The following IFFO2 variants were observed in gnomAD, a reference collection of about 807,000 sequenced individuals.
IFFO2 encodes intermediate filament family orphan 2.
In IFFO2, 19 loss-of-function variants were observed where a neutral mutation model predicts 53.5. The ratio of observed to expected loss-of-function variants is 0.36; its 90% CI spans 0.25 to 0.52. The LOEUF (loss-of-function observed/expected upper bound fraction) is 0.52, where lower values mean the gene tolerates loss of function less well. Among genes scored for constraint, IFFO2 ranks in the 20% least tolerant of loss-of-function variants. IFFO2 has a pLI of 0.94. For missense variants in IFFO2, 570 were observed against 727.4 expected, an observed-to-expected ratio of 0.78 and a Z score of 2.49; for synonymous variants, 303 against 313.6, an observed-to-expected ratio of 0.97 and a Z score of 0.36.
At position 18,936,726 on chromosome 1, in the gene IFFO2, C is replaced by G. The variant is rs61613576; in HGVS notation, c.666-15605G>C. On this transcript the variant is annotated intron_variant, in intron 1 of 8. Transcript: ENST00000455833. The surrounding 1 kb of genome is among the most constrained non-coding windows in gnomAD (Gnocchi z 4.5). ...CCCGCAGCCGCCCTGGAGCCAGCTG[C>G]CTGGGAGCCCAGATTTTCCTTATCA... Among the ~76,000 whole-genome samples the G allele has an allele frequency of 2.1e-3, 325 of 152,352 alleles. 1 individual carries two copies. Among genetic ancestry groups the G allele is most frequent in the African/African-American group, 7.5e-3 (313 of 41,584 alleles).
chr1:18,916,760 G>A lies in IFFO2; in HGVS notation c.1103+143C>T, dbSNP rs149230948. On this transcript the variant is annotated intron_variant, in intron 5 of 8. Transcript: ENST00000455833. The surrounding 1 kb of genome is among the most constrained non-coding windows in gnomAD (Gnocchi z 4.3). Reference sequence around the variant, plus strand: ...CAGCCTCCAGCCTGGGTGACAAAGTGAGACCCTGTCTCAAAAAAAAAAAGG... The same window carrying A: ...CAGCCTCCAGCCTGGGTGACAAAGTAAGACCCTGTCTCAAAAAAAAAAAGG... The A allele has an allele frequency of 8.6e-4, 917 of 1,066,298 alleles. 7 individuals carry two copies. The African/African-American group carries it at 0.013, about 15-fold the overall frequency. The allele number at this position is 1,066,298 out of a possible 1,614,324, so 66.1% of individuals were successfully genotyped here.
At chr1:18,950,783 G>C (rs1433159450) in intron 1 of IFFO2, among the ~76,000 whole-genome samples, 1 of 152,146 alleles carries the variant, frequency 6.6e-6, no homozygotes, top group Non-Finnish European at 1.5e-5. Flanking sequence ...ATGGGCGGGG[G>C]ACACTCCAGC....
At position 18,908,233 on chromosome 1, in the gene IFFO2, T is replaced by G; in HGVS notation, c.*328A>C. On this transcript the variant is annotated 3_prime_UTR_variant, in exon 9 of 9. Coordinates refer to ENST00000455833, the MANE Select transcript of IFFO2 (RefSeq NM_001136265.2). Reference sequence around the variant, plus strand: ...GTATAAAAACACCTGCTAGGAATAATTCTTTGGAGCTCAAAGTGGCTCAGC... The same window carrying G: ...GTATAAAAACACCTGCTAGGAATAAGTCTTTGGAGCTCAAAGTGGCTCAGC... 1 of 315,206 alleles carries G rather than the reference T, an allele frequency of 3.2e-6. No individual in the cohort carries two copies. The highest frequency in any genetic ancestry group is 6.3e-6 in the Non-Finnish European group (1 of 159,844). The allele number at this position is 315,206 out of a possible 1,614,324, so 19.5% of individuals were successfully genotyped here. A position where few individuals can be genotyped will look rare whatever the true frequency, so the allele number is the denominator to read the frequency against.
rs1450539435 is a variant in IFFO2, at chr1:18,908,438, G to T, written c.*123C>A. On this transcript the variant is annotated 3_prime_UTR_variant, in exon 9 of 9. Transcript: ENST00000455833. ...CAGTCCCTCAGGGCCTCCAGAGAAG[G>T]GAGGGCAGAGAAAGTCTGTGTGGTG... 7.2e-6 allele frequency: 5 copies of T among 696,124 alleles called. No homozygotes were observed. In the East Asian group the frequency reaches 8.4e-5, roughly 12 times the overall value. The allele number at this position is 696,124 out of a possible 1,614,324, so 43.1% of individuals were successfully genotyped here. A position where few individuals can be genotyped will look rare whatever the true frequency, so the allele number is the denominator to read the frequency against.
chr1:18,914,028 T>C (rs1936092522), intron 5 of IFFO2, among the ~76,000 whole-genome samples: 1 of 152,100 alleles, frequency 6.6e-6, no homozygotes, highest in Non-Finnish European at 1.5e-5. Flanking sequence ...AGACAGCGTT[T>C]CACCGTGTTA....
intron 1 of IFFO2, among the ~76,000 whole-genome samples, chr1:18,944,001 G>C (rs1252979127): frequency 6.6e-6 from 1 of 152,202 alleles, no homozygotes; most frequent in Non-Finnish European, 1.5e-5. Context: ...GCAGCCCCCA[G>C]AGGGAGCCCT....
At chr1:18,910,518 G>A (rs752872347) in intron 7 of IFFO2, 46 bp from the exon 8 acceptor site, 58 of 1,573,936 alleles carry the variant, frequency 3.7e-5, no homozygotes, top group South Asian at 9.3e-5. Flanking sequence ...AGTCATCCTC[G>A]TGACAGAAGC....
chr1:18,927,157 C>G (rs1936312951), intron 1 of IFFO2, among the ~76,000 whole-genome samples: 1 of 152,226 alleles, frequency 6.6e-6, no homozygotes, highest in Admixed American at 6.5e-5. Flanking sequence ...TAAAAGCACC[C>G]TGGCATCCAG....
intron 5 of IFFO2, among the ~76,000 whole-genome samples, chr1:18,913,892 G>T (rs1028303454): frequency 6.6e-6 from 1 of 152,218 alleles, no homozygotes; most frequent in African/African-American, 2.4e-5. Context: ...GTGCAGTGGT[G>T]CGATCTCGGC....
Position 18,955,684 on chromosome 1 carries a change from C to A in IFFO2, c.649G>T (p.Asp217Tyr). 1 of 1,587,752 alleles carries A rather than the reference C, an allele frequency of 6.3e-7. No homozygotes were observed. Residue 217 changes from aspartate to tyrosine, a missense_variant, in exon 1 of 9, where the codon GAC becomes TAC. Physicochemically the swap from Asp to Tyr is radical, Grantham distance 160. Coordinates refer to ENST00000455833, the MANE Select transcript of IFFO2 (RefSeq NM_001136265.2). ...NVLAKVKRER[D>Y]EYKRRWEEEL... ...GCCACTCACCTCCGCTTATACTCGT[C>A]GCGCTCGCGCTTCACCTTGGCCAGC...
intron 1 of IFFO2, among the ~76,000 whole-genome samples, chr1:18,932,332 GGTCT>G (rs1252336492): frequency 2.0e-5 from 3 of 152,226 alleles, no homozygotes; most frequent in Non-Finnish European, 4.4e-5. Context: ...TCTGTAAAAT[GGTCT>G]GTTTCTTTCT....
rs934842452 is a variant in IFFO2 at position 18,905,210 on chromosome 1, G to T, written c.*3351C>A. ...CCCAAGACTTCCAAGGAGCTGAGGG[G>T]TCAGAGGAGAGGAGAATGGGGTGAA... On this transcript the variant is annotated 3_prime_UTR_variant, in exon 9 of 9. Transcript: ENST00000455833. 2.0e-5 allele frequency: 3 copies of T among 151,542 alleles called. No individual in the cohort carries two copies. The allele number at this position is 151,542 out of a possible 1,614,324, so 9.4% of individuals were successfully genotyped here. A position where few individuals can be genotyped will look rare whatever the true frequency, so the allele number is the denominator to read the frequency against.
chr1:18,912,136 C>A (rs1936050517), intron 5 of IFFO2, 53 bp from the exon 6 acceptor site: 1 of 1,549,192 alleles, frequency 6.5e-7, no homozygotes, highest in African/African-American at 1.4e-5. Context: ...GCTCCAGGGA[C>A]CCATACAGGG....
rs907910645 is a variant in IFFO2, at chr1:18,904,435, C to T, written c.*4126G>A. The T allele has an allele frequency of 2.0e-5, 3 of 152,150 alleles. No individual in the cohort carries two copies. Among genetic ancestry groups the T allele is most frequent in the African/African-American group, 7.2e-5 (3 of 41,406 alleles). 9.4% of individuals were successfully genotyped at this position (152,150 alleles called of 1,614,324 possible). On this transcript the variant is annotated 3_prime_UTR_variant, in exon 9 of 9. Transcript: ENST00000455833. ...CCCCCCTTCCCTGTGATGCTAGACC[C>T]AGCTGGCAGACAACAGCAACGGTGG...
chr1:18,908,627 T>G lies in IFFO2; in HGVS notation c.1488A>C (p.Ser496=), dbSNP rs1182335200. The G allele has an allele frequency of 6.4e-7, 1 of 1,551,520 alleles. No individual in the cohort carries two copies. Among genetic ancestry groups the G allele is most frequent in the Non-Finnish European group, 8.7e-7 (1 of 1,146,912 alleles). ...CATCCTGGATCTCATCTGTACTTCC[T>G]GAGTCGCTGCTGGCCACGGAGCTGG... The part of the protein sequence containing the change: ...PSPSSVASSD[S]GSTDEIQDEF... Residue 496 remains serine, a synonymous_variant, in exon 9 of 9, where the codon TCA becomes TCC. Coordinates refer to ENST00000455833, the MANE Select transcript of IFFO2 (RefSeq NM_001136265.2).
At chr1:18,908,763 T>G in intron 8 of IFFO2, 97 bp from the exon 9 acceptor site, 1 of 849,886 alleles carries the variant, frequency 1.2e-6, no homozygotes, top group Non-Finnish European at 1.9e-6. Context: ...CTATAAGATC[T>G]ACTCTCAGAG....
intron 1 of IFFO2, among the ~76,000 whole-genome samples, chr1:18,946,500 C>T (rs1275786277): frequency 6.6e-6 from 1 of 150,396 alleles, no homozygotes; most frequent in Non-Finnish European, 1.5e-5. Flanking sequence ...CTGCAACCTC[C>T]GCCCTCCAAG....
Position 18,921,165 on chromosome 1 carries a change from T to C in IFFO2, c.666-44A>G, listed in dbSNP as rs1311983559. On this transcript the variant is annotated intron_variant, in intron 1 of 8. Transcript: ENST00000455833. ...ACAGGTGGTCAGAAGGTGAGTTCCC[T>C]GTGCCAGTCCAGCCCTCAGACACAA... 34 of 1,519,976 alleles carry C rather than the reference T, an allele frequency of 2.2e-5. 1 individual carries two copies. The highest frequency in any genetic ancestry group is 2.7e-5 in the Non-Finnish European group (30 of 1,118,070). The allele number at this position is 1,519,976 out of a possible 1,614,324, so 94.2% of individuals were successfully genotyped here. A position where few individuals can be genotyped will look rare whatever the true frequency, so the allele number is the denominator to read the frequency against.
At chr1:18,946,414 T>C (rs902536842) in intron 1 of IFFO2, among the ~76,000 whole-genome samples, 2 of 142,084 alleles carry the variant, frequency 1.4e-5, no homozygotes, top group Non-Finnish European at 3.1e-5. Context: ...ACTTTCTTTT[T>C]TTTTTTTTTT....
Sources: allele counts gnomAD v4.1 joint callset (sites outside exome capture counted in the v4.1 genomes callset), GRCh38; gene constraint gnomAD v4.1.1; non-coding constraint Gnocchi (gnomAD v3.1); transcripts MANE v1.5; gene names NCBI Gene and HGNC (gene_info 2026-07-23, HGNC 2026-07-21).